Variants in PPTC7 observed in about 807,000 individuals in gnomAD.
The protein encoded by PPTC7 is protein phosphatase targeting COQ7.
PPTC7 carries 6 observed loss-of-function variants against 30.8 expected under a neutral mutation model. That is an observed-to-expected ratio of 0.19 (90% CI 0.11 to 0.38). PPTC7 has a LOEUF of 0.38. PPTC7 is among the 10% of genes least tolerant of loss of function. The pLI is 1.00. For synonymous variants in PPTC7, 163 were observed against 168.1 expected (o/e 0.97, Z 0.23); for missense variants, 218 against 404.8 (o/e 0.54, Z 3.96).
chr12:110,561,577 G>T (rs1297286007), intron 1 of PPTC7, among the ~76,000 whole-genome samples: 2 of 152,090 alleles, frequency 1.3e-5, no homozygotes, highest in Non-Finnish European at 2.9e-5. Flanking sequence ...CACAGCCTTG[G>T]GCTCCTAAAG....
intron 2 of PPTC7, 70 bp from the exon 3 acceptor site, chr12:110,546,148 G>A (rs896279952): frequency 1.6e-6 from 2 of 1,245,092 alleles, no homozygotes; most frequent in African/African-American, 1.5e-5. Context: ...TTTAACACAT[G>A]ACCCCACAGA....
chr12:110,565,808 T>G (rs890963234), intron 1 of PPTC7, among the ~76,000 whole-genome samples: 2 of 152,150 alleles, frequency 1.3e-5, no homozygotes, highest in African/African-American at 2.4e-5. Flanking sequence ...GAGGACAGTT[T>G]AGGGAGATTC....
intron 1 of PPTC7, among the ~76,000 whole-genome samples, chr12:110,582,174 ACT>A (rs560331724): frequency 1.3e-5 from 2 of 151,946 alleles, no homozygotes; most frequent in African/African-American, 4.8e-5. Flanking sequence ...GATCAAGGAG[ACT>A]CTGCCAACCC....
intron 1 of PPTC7, among the ~76,000 whole-genome samples, chr12:110,566,748 A>G (rs1374503156): frequency 1.3e-5 from 2 of 152,212 alleles, no homozygotes; most frequent in Admixed American, 6.5e-5. Flanking sequence ...ATGCCCACTC[A>G]GAGATAATGC....
chr12:110,541,790 A>C (rs550121748), intron 3 of PPTC7, among the ~76,000 whole-genome samples: 5 of 152,110 alleles, frequency 3.3e-5, no homozygotes, highest in African/African-American at 1.2e-4. Context: ...CAAGGGTCCC[A>C]AAGTGGTCAT....
At chr12:110,549,722 A>G (rs2064336576) in intron 2 of PPTC7, among the ~76,000 whole-genome samples, 1 of 152,238 alleles carries the variant, frequency 6.6e-6, no homozygotes, top group African/African-American at 2.4e-5. Context: ...AAAAAGGCAC[A>G]GCAAAAACCA....
intron 2 of PPTC7, among the ~76,000 whole-genome samples, chr12:110,550,519 C>T (rs571616184): frequency 1.3e-5 from 2 of 152,178 alleles, no homozygotes; most frequent in African/African-American, 2.4e-5. Context: ...CGTGAGCTGC[C>T]GCCCCTGGCC....
At chr12:110,572,740 T>G (rs1053834232) in intron 1 of PPTC7, among the ~76,000 whole-genome samples, 3 of 152,194 alleles carry the variant, frequency 2.0e-5, no homozygotes. Context: ...AGGAACCTAG[T>G]AAATTTATAA....
intron 1 of PPTC7, among the ~76,000 whole-genome samples, chr12:110,578,213 T>C (rs1450756959): frequency 4.6e-5 from 7 of 152,184 alleles, no homozygotes; most frequent in Non-Finnish European, 1.0e-4. Context: ...TTTGATTCTA[T>C]TGTTAAGTAG....
At chr12:110,540,298 A>G (rs2064248096) in intron 3 of PPTC7, among the ~76,000 whole-genome samples, 1 of 146,222 alleles carries the variant, frequency 6.8e-6, no homozygotes, top group Non-Finnish European at 1.5e-5. Context: ...AATTCTTTAC[A>G]GCCGAATTCC....
intron 1 of PPTC7, among the ~76,000 whole-genome samples, chr12:110,562,696 G>T (rs1469956994): frequency 6.6e-6 from 1 of 151,880 alleles, no homozygotes; most frequent in Non-Finnish European, 1.5e-5. Flanking sequence ...GGGTAACTGA[G>T]GCAGGAGAAT....
chr12:110,539,011 C>T (rs1006909781), intron 4 of PPTC7, among the ~76,000 whole-genome samples: 11 of 152,166 alleles, frequency 7.2e-5, no homozygotes, highest in African/African-American at 2.7e-4. Flanking sequence ...CAGGTAGGGA[C>T]TGTGTAGATT....
chr12:110,543,692 C>T (rs1462944200), intron 3 of PPTC7, among the ~76,000 whole-genome samples: 1 of 152,196 alleles, frequency 6.6e-6, no homozygotes, highest in African/African-American at 2.4e-5. Context: ...CCTCTCCTAA[C>T]ACTCCCACCC....
At chr12:110,570,714 T>G (rs2064527623) in intron 1 of PPTC7, among the ~76,000 whole-genome samples, 1 of 136,426 alleles carries the variant, frequency 7.3e-6, no homozygotes, top group East Asian at 2.1e-4. Context: ...ACTTAATCCT[T>G]TACATTGTCT....
At chr12:110,545,659 T>G (rs1024422749) in intron 3 of PPTC7, among the ~76,000 whole-genome samples, 1 of 152,236 alleles carries the variant, frequency 6.6e-6, no homozygotes, top group Non-Finnish European at 1.5e-5. Context: ...ATTTTCATGG[T>G]CTTGTCAAAT....
In PPTC7 at chr12:110,547,044, T is replaced by C. The variant is rs1203110009; in HGVS notation, c.404-966A>G. Among the ~76,000 whole-genome samples the C allele has an allele frequency of 3.9e-5, 6 of 152,270 alleles. No homozygotes were observed. In the South Asian group the frequency reaches 1.0e-3, roughly 26 times the overall value. On this transcript the variant is annotated intron_variant, in intron 2 of 5. Coordinates refer to ENST00000354300, the MANE Select transcript of PPTC7 (RefSeq NM_139283.2). ...TAAACAACTTTCCTGGAGCGCAAGA[T>C]AGCCCGGAAAAATGTACCTCCTTTC...
intron 1 of PPTC7, among the ~76,000 whole-genome samples, chr12:110,560,154 T>C (rs1477362629): frequency 6.6e-6 from 1 of 152,004 alleles, no homozygotes; most frequent in Non-Finnish European, 1.5e-5. Context: ...AATCCCAGCA[T>C]ATTGGGAGGC....
intron 1 of PPTC7, among the ~76,000 whole-genome samples, chr12:110,571,902 C>T (rs2064540043): frequency 6.6e-6 from 1 of 152,196 alleles, no homozygotes; most frequent in African/African-American, 2.4e-5. Flanking sequence ...TTCATAGAAA[C>T]ACTAATGGTT....
intron 2 of PPTC7, among the ~76,000 whole-genome samples, chr12:110,547,351 C>A (rs1299869996): frequency 6.6e-6 from 1 of 152,178 alleles, no homozygotes; most frequent in Non-Finnish European, 1.5e-5. Flanking sequence ...AACTACTTAA[C>A]CTCTCTGTGC....
Sources: allele counts gnomAD v4.1 joint callset (sites outside exome capture counted in the v4.1 genomes callset), GRCh38; gene constraint gnomAD v4.1.1; transcripts MANE v1.5; gene names NCBI Gene and HGNC (gene_info 2026-07-23, HGNC 2026-07-21).